The following NBL1 variants were observed in gnomAD, a reference collection of about 807,000 sequenced individuals.
The protein encoded by NBL1 is neuroblastoma suppressor of tumorigenicity 1.
In NBL1, 9 loss-of-function variants were observed where a neutral mutation model predicts 16.0. The observed-to-expected ratio is 0.56, with a 90% CI of 0.34 to 0.98. The LOEUF is 0.98. Among genes scored for constraint, NBL1 ranks in the 50% least tolerant of loss-of-function variants. The pLI is 0.02. For synonymous variants in NBL1, 86 were observed against 100.7 expected, an observed-to-expected ratio of 0.85 and a Z score of 0.87; for missense variants, 196 against 243.1, an observed-to-expected ratio of 0.81 and a Z score of 1.29.
At chr1:19,643,651 T>C (rs2100376299), upstream of NBL1, 2 of 1,286,754 alleles carry the variant, frequency 1.6e-6, no homozygotes, top group Non-Finnish European at 2.0e-6. The surrounding 1 kb of genome is among the most constrained non-coding windows in gnomAD (Gnocchi z 4.7). Context: ...GGCTTTTTAG[T>C]TCCTAATAAG....
rs1331295013 is a variant in NBL1, at chr1:19,654,890, G to C, written c.-19-122G>C. On this transcript the variant is annotated intron_variant, in intron 1 of 3. Transcript: ENST00000375136. ...AATAACTTGTCCAAAGTTGCACTTGGTTAGTAAGTGGGAGAGCTGGGGTTG... is the reference window on the plus strand; with the variant it reads ...AATAACTTGTCCAAAGTTGCACTTGCTTAGTAAGTGGGAGAGCTGGGGTTG... 9.2e-6 allele frequency: 12 copies of C among 1,306,910 alleles called. No individual in the cohort carries two copies. In the East Asian group the frequency reaches 1.0e-4, roughly 11 times the overall value. The allele number at this position is 1,306,910 out of a possible 1,614,324, so 81.0% of individuals were successfully genotyped here.
chr1:19,657,276 T>A lies in NBL1; in HGVS notation c.*147T>A. On this transcript the variant is annotated 3_prime_UTR_variant, in exon 4 of 4. Transcript: ENST00000375136. ...GGACTTGAATGCTGCCCGGTTGCCA[T>A]GGAGATCTGAAGGGGCGGGGTTAGA... 1.8e-6 allele frequency: 1 copy of A among 543,384 alleles called. No homozygotes were observed. Among genetic ancestry groups the A allele is most frequent in the Non-Finnish European group, 3.3e-6 (1 of 304,130 alleles). The allele number at this position is 543,384 out of a possible 1,614,324, so 33.7% of individuals were successfully genotyped here. A position where few individuals can be genotyped will look rare whatever the true frequency, so the allele number is the denominator to read the frequency against.
intron 1 of NBL1, chr1:19,645,887 G>A: frequency 6.5e-7 from 1 of 1,544,132 alleles, no homozygotes; most frequent in Non-Finnish European, 8.7e-7. Context: ...AACCTCAAGG[G>A]TCGGAGGCTG....
chr1:19,650,375 C>T (rs1236048446), intron 1 of NBL1, among the ~76,000 whole-genome samples: 1 of 152,242 alleles, frequency 6.6e-6, no homozygotes, highest in Non-Finnish European at 1.5e-5. Flanking sequence ...AAAACAACTG[C>T]CCCCTATTTA....
chr1:19,649,997 CAG>C (rs1308964499), intron 1 of NBL1, among the ~76,000 whole-genome samples: 5 of 149,490 alleles, frequency 3.3e-5, no homozygotes, highest in African/African-American at 7.7e-5. Flanking sequence ...TTCTTTGAGA[CAG>C]AGTCTCGCTT....
chr1:19,649,681 T>C (rs950693045), intron 1 of NBL1, among the ~76,000 whole-genome samples: 3 of 151,934 alleles, frequency 2.0e-5, no homozygotes, highest in Non-Finnish European at 4.4e-5. Flanking sequence ...TAATACTGTA[T>C]TTTTACTACA....
intron 3 of NBL1, among the ~76,000 whole-genome samples, chr1:19,656,452 G>A (rs1310303667): frequency 6.6e-6 from 1 of 151,742 alleles, no homozygotes; most frequent in Non-Finnish European, 1.5e-5. Context: ...CATGTGCGGA[G>A]TCCCTGAGGC....
chr1:19,644,119 C>A (rs1326610743), upstream of NBL1: 24 of 973,496 alleles, frequency 2.5e-5, no homozygotes, highest in Non-Finnish European at 2.6e-5. This position sits in a 1 kb window ranked among gnomAD's most constrained non-coding sequence, Gnocchi z 4.6. Context: ...CCGGGGCGGG[C>A]GGGCCAGGAG....
At chr1:19,648,313 A>T (rs1220617108) in intron 1 of NBL1, among the ~76,000 whole-genome samples, 1 of 151,986 alleles carries the variant, frequency 6.6e-6, no homozygotes, top group Non-Finnish European at 1.5e-5. Flanking sequence ...CAGCGTTGTT[A>T]ATCGAAGCCC....
chr1:19,657,687 C>G lies in NBL1; in HGVS notation c.*558C>G, dbSNP rs1294346242. On this transcript the variant is annotated 3_prime_UTR_variant, in exon 4 of 4. Coordinates refer to ENST00000375136, the MANE Select transcript of NBL1 (RefSeq NM_005380.8). ...GCCCCAGTGGCACTGAAGTGGCCCT[C>G]CCTCAGCGGAGGGGTTTGGGAGTCA... 1 of 152,744 alleles carries G rather than the reference C, an allele frequency of 6.5e-6. No homozygotes were observed. The highest frequency in any genetic ancestry group is 2.4e-5 in the African/African-American group (1 of 41,428). The allele number at this position is 152,744 out of a possible 1,614,324, so 9.5% of individuals were successfully genotyped here.
intron 1 of NBL1, chr1:19,647,760 G>A: frequency 1.4e-6 from 1 of 739,196 alleles, no homozygotes; most frequent in South Asian, 6.1e-5. Context: ...TGGGGAGGGA[G>A]AGCCCTGCCC....
chr1:19,654,907 C>G lies in NBL1; in HGVS notation c.-19-105C>G. ...TGCACTTGGTTAGTAAGTGGGAGAGCTGGGGTTGCGCCAAGGAGTCGGATG... is the reference window on the plus strand; with the variant it reads ...TGCACTTGGTTAGTAAGTGGGAGAGGTGGGGTTGCGCCAAGGAGTCGGATG... On this transcript the variant is annotated intron_variant, in intron 1 of 3. Coordinates refer to ENST00000375136, the MANE Select transcript of NBL1 (RefSeq NM_005380.8). 3 of 1,392,662 alleles carry G rather than the reference C, an allele frequency of 2.2e-6. No homozygotes were observed. The South Asian group carries it at 4.7e-5, about 22-fold the overall frequency. The allele number at this position is 1,392,662 out of a possible 1,614,324, so 86.3% of individuals were successfully genotyped here.
intron 1 of NBL1, among the ~76,000 whole-genome samples, chr1:19,650,918 G>A (rs2095020752): frequency 6.6e-6 from 1 of 152,210 alleles, no homozygotes; most frequent in Admixed American, 6.5e-5. Flanking sequence ...CTGGATGACA[G>A]CCGTGTGTGG....
At chr1:19,645,845 C>A in intron 1 of NBL1, 1 of 1,498,994 alleles carries the variant, frequency 6.7e-7, no homozygotes, top group Non-Finnish European at 8.9e-7. Context: ...AGTGAAATTT[C>A]AGGCTGAGTT....
At chr1:19,652,473 C>A (rs2095031993) in intron 1 of NBL1, among the ~76,000 whole-genome samples, 1 of 152,134 alleles carries the variant, frequency 6.6e-6, no homozygotes, top group Non-Finnish European at 1.5e-5. Flanking sequence ...GGGGGGCAGC[C>A]TGTCCGACCT....
chr1:19,645,233 T>G, intron 1 of NBL1: 4 of 421,146 alleles, frequency 9.5e-6, no homozygotes, highest in Non-Finnish European at 1.3e-5. Context: ...CTCCCTGGAA[T>G]TGAGTCTGGG....
chr1:19,645,820 G>A, intron 1 of NBL1: 1 of 1,468,620 alleles, frequency 6.8e-7, no homozygotes, highest in Non-Finnish European at 9.0e-7. Context: ...CAGGGATATC[G>A]CCTCATTATT....
Position 19,656,900 on chromosome 1 carries a change from C to G in NBL1, c.317C>G (p.Pro106Arg). Residue 106 changes from proline to arginine, a missense_variant, in exon 4 of 4, where the codon CCC (proline) becomes CGC (arginine). By Grantham distance (103) the Pro-to-Arg change is moderately radical. Transcript: ENST00000375136. Reference protein sequence around the residue: ...TLECPGHEEVPRVDKLVEKIL... With the variant: ...TLECPGHEEVRRVDKLVEKIL... ...GAGTGCCCGGGCCACGAGGAGGTGC[C>G]CAGGGTGGACAAGCTGGTGGAGAAG... is the stretch of plus-strand genomic sequence containing the variant. 1 of 1,613,158 alleles carries G rather than the reference C, an allele frequency of 6.2e-7. No individual in the cohort carries two copies. Among genetic ancestry groups the G allele is most frequent in the South Asian group, 1.1e-5 (1 of 91,002 alleles).
At chr1:19,644,170 C>A, upstream of NBL1, 1 of 980,066 alleles carries the variant, frequency 1.0e-6, no homozygotes, top group Middle Eastern at 5.2e-4. The surrounding 1 kb of genome is among the most constrained non-coding windows in gnomAD (Gnocchi z 4.6). Flanking sequence ...CCCTCCTGCG[C>A]ACCCGGAGGG....
Sources: gnomAD v4.1 joint callset for allele counts (sites outside exome capture counted in the v4.1 genomes callset) on GRCh38, gnomAD v4.1.1 for gene constraint, Gnocchi (gnomAD v3.1) non-coding constraint, MANE v1.5 for transcripts, NCBI Gene and HGNC (gene_info 2026-07-23, HGNC 2026-07-21) for gene names.